Variants in SLF1 observed in about 807,000 individuals in gnomAD.
SLF1 encodes SMC5/6 complex localization factor 1.
A neutral mutation model predicts 123.0 loss-of-function variants in SLF1; 105 were observed. That is an observed-to-expected ratio of 0.85 (90% CI 0.73 to 1.00). The LOEUF (loss-of-function observed/expected upper bound fraction) is 1.00. SLF1 is among the 50% of genes least tolerant of loss of function. The pLI is 0.00. For missense variants in SLF1, 1,239 were observed against 1,223.0 expected (o/e 1.01, Z -0.20); for synonymous variants, 434 against 406.6 (o/e 1.07, Z -0.81).
intron 4 of SLF1, among the ~76,000 whole-genome samples, chr5:94,633,104 C>T (rs1243083206): frequency 2.0e-5 from 3 of 152,150 alleles, no homozygotes; most frequent in African/African-American, 4.8e-5. Flanking sequence ...AATTCTGCCT[C>T]AGCCTCCCGA....
Position 94,692,222 on chromosome 5 carries a change from T to C in SLF1, c.2661T>C (p.His887=). The C allele has an allele frequency of 6.8e-6, 11 of 1,613,726 alleles. No individual in the cohort carries two copies. Among genetic ancestry groups the C allele is most frequent in the Non-Finnish European group, 9.3e-6 (11 of 1,179,744 alleles). ...TPLHDALSNG[H]VEIGKLLLQH... Reference sequence around the variant, plus strand: ...TGCATGATGCACTGTCAAACGGACATGTAGAAATTGGCAAGCTGCTACTAC... The same window carrying C: ...TGCATGATGCACTGTCAAACGGACACGTAGAAATTGGCAAGCTGCTACTAC... The change falls in exon 20 of 21, where the codon CAT becomes CAC. Residue 887 remains histidine (H), a synonymous_variant. Coordinates refer to ENST00000265140, the MANE Select transcript of SLF1 (RefSeq NM_032290.4).
At chr5:94,660,517 C>T (rs1006380926) in intron 9 of SLF1, among the ~76,000 whole-genome samples, 1 of 152,168 alleles carries the variant, frequency 6.6e-6, no homozygotes, top group Non-Finnish European at 1.5e-5. Flanking sequence ...TCCTCAGGCC[C>T]CCCGATAGCT....
rs1290782097 is a variant in SLF1 at position 94,665,963 on chromosome 5, G to A, written c.1471G>A (p.Glu491Lys). The stretch of plus-strand genomic sequence containing the variant: ...TCCAGCCATGTCGAGATATTATTTA[G>A]AGTTGTTTCAGTGTCCAACTTGTAT... ...KSPAMSRYYL[E>K]LFQCPTCMKG... is the part of the protein sequence containing the mutation. Residue 491 changes from glutamate (E) to lysine (K), a missense_variant, in exon 12 of 21, where the codon GAG becomes AAG. Physicochemically the swap from Glu to Lys is moderately conservative, Grantham distance 56 (BLOSUM62 1). Transcript: ENST00000265140. The A allele has an allele frequency of 6.4e-7, 1 of 1,551,282 alleles. No homozygotes were observed. The highest frequency in any genetic ancestry group is 2.0e-5 in the Admixed American group (1 of 50,994).
chr5:94,660,431 G>A (rs1748951543), intron 9 of SLF1, among the ~76,000 whole-genome samples: 1 of 152,150 alleles, frequency 6.6e-6, no homozygotes. Flanking sequence ...GGACAGGGAT[G>A]GGTTGATACC....
At chr5:94,647,140 C>T (rs183423234) in intron 5 of SLF1, among the ~76,000 whole-genome samples, 74 of 152,190 alleles carry the variant, frequency 4.9e-4, no homozygotes, top group African/African-American at 1.6e-3. Flanking sequence ...TTTGTCTCCC[C>T]ATTTTGAGTA....
chr5:94,630,643 T>C lies in SLF1; in HGVS notation c.331T>C (p.Trp111Arg), dbSNP rs1191896145. 1.4e-5 allele frequency: 21 copies of C among 1,551,584 alleles called. No individual in the cohort carries two copies. Among genetic ancestry groups the C allele is most frequent in the Non-Finnish European group, 1.8e-5 (21 of 1,146,996 alleles). Residue 111 changes from tryptophan to arginine, a missense_variant, in exon 4 of 21, where the codon TGG becomes CGG. Coordinates refer to ENST00000265140, the MANE Select transcript of SLF1 (RefSeq NM_032290.4). ...SPQMQSAPKR[W>R]REELKRTGAP... is the part of the protein sequence containing the mutation. Reference sequence around the variant, plus strand: ...TCAAATGCAATCTGCACCTAAAAGATGGCGTGAAGAACTGAAACGCACTGG... The same window carrying C: ...TCAAATGCAATCTGCACCTAAAAGACGGCGTGAAGAACTGAAACGCACTGG...
At chr5:94,678,172 G>A (rs927599418) in intron 14 of SLF1, among the ~76,000 whole-genome samples, 2 of 151,908 alleles carry the variant, frequency 1.3e-5, no homozygotes, top group African/African-American at 2.4e-5. Flanking sequence ...CACCCACCTC[G>A]GCCTCCCAAA....
chr5:94,660,818 C>A (rs1021916879), intron 9 of SLF1, among the ~76,000 whole-genome samples: 2 of 152,164 alleles, frequency 1.3e-5, no homozygotes, highest in African/African-American at 4.8e-5. Context: ...GACAGAGGCC[C>A]CAGGCAGGTG....
rs1040968528 is a variant in SLF1, at chr5:94,696,569, T to C, written c.*1257T>C. The C allele has an allele frequency of 2.6e-5, 4 of 151,856 alleles. No individual in the cohort carries two copies. Among genetic ancestry groups the C allele is most frequent in the Non-Finnish European group, 4.4e-5 (3 of 67,840 alleles). 9.4% of individuals were successfully genotyped at this position (151,856 alleles called of 1,614,324 possible). ...ACAAAAAATGATATAGTGAAGACTA[T>C]CTAAGAAGAGTTTAAATGCTTATAG... On this transcript the variant is annotated 3_prime_UTR_variant, in exon 21 of 21. Transcript: ENST00000265140.
chr5:94,675,246 A>G (rs1258751082), intron 14 of SLF1, among the ~76,000 whole-genome samples: 5 of 152,258 alleles, frequency 3.3e-5, no homozygotes, highest in Non-Finnish European at 5.9e-5. Flanking sequence ...GGCAGATGAT[A>G]TAGAACCACA....
At chr5:94,642,787 G>GTAAA (rs1283034906) in intron 4 of SLF1, among the ~76,000 whole-genome samples, 1 of 151,414 alleles carries the variant, frequency 6.6e-6, no homozygotes, top group East Asian at 1.9e-4. Flanking sequence ...TTTTTATTTT[G>GTAAA]TAAAATGTAT....
intron 9 of SLF1, among the ~76,000 whole-genome samples, chr5:94,656,978 C>T (rs1483971310): frequency 2.0e-5 from 3 of 149,148 alleles, no homozygotes; most frequent in Admixed American, 2.0e-4. Context: ...TTGTTTCGTT[C>T]TGCTCTTTAT....
chr5:94,662,278 A>G lies in SLF1; in HGVS notation c.1156-20A>G. ...TCAATCTTAAAATGTTGTTTTAATT[A>G]TATGGTTGCTCTTTTGTAGGCTGTC... On this transcript the variant is annotated intron_variant, in intron 9 of 20. Coordinates refer to ENST00000265140, the MANE Select transcript of SLF1 (RefSeq NM_032290.4). 6.5e-7 allele frequency: 1 copy of G among 1,534,904 alleles called. No homozygotes were observed. The highest frequency in any genetic ancestry group is 2.0e-5 in the Admixed American group (1 of 49,120).
Position 94,686,426 on chromosome 5 carries a change from A to G in SLF1, c.1976-147A>G, listed in dbSNP as rs1030710799. 4.2e-5 allele frequency: 36 copies of G among 849,018 alleles called. No individual in the cohort carries two copies. The Admixed American group carries it at 8.2e-4, about 19-fold the overall frequency. 52.6% of individuals were successfully genotyped at this position (849,018 alleles called of 1,614,324 possible). A position where few individuals can be genotyped will look rare whatever the true frequency, so the allele number is the denominator to read the frequency against. On this transcript the variant is annotated intron_variant, in intron 15 of 20. Coordinates refer to ENST00000265140, the MANE Select transcript of SLF1 (RefSeq NM_032290.4). Reference sequence around the variant, plus strand: ...AAGTCAAGGAATAGTGATATGACCTATTTTTTGTGGATTAAAATCATGTGG... The same window carrying G: ...AAGTCAAGGAATAGTGATATGACCTGTTTTTTGTGGATTAAAATCATGTGG...
In SLF1 at chr5:94,695,553, C is replaced by T; in HGVS notation, c.*241C>T. On this transcript the variant is annotated 3_prime_UTR_variant, in exon 21 of 21. Transcript: ENST00000265140. ...AAAAATAATTTTGTTTTAGTATATT[C>T]TACTTTCATTAATGTTTTTTTGTTC... is the stretch of plus-strand genomic sequence containing the variant. 1 of 258,290 alleles carries T rather than the reference C, an allele frequency of 3.9e-6. No homozygotes were observed. Among genetic ancestry groups the T allele is most frequent in the South Asian group, 1.2e-4 (1 of 8,474 alleles). 16.0% of individuals were successfully genotyped at this position (258,290 alleles called of 1,614,324 possible).
At chr5:94,689,026 A>G (rs1487528669) in intron 17 of SLF1, among the ~76,000 whole-genome samples, 1 of 57,228 alleles carries the variant, frequency 1.7e-5, no homozygotes, top group Non-Finnish European at 2.9e-5. Context: ...TAGTTTCCCC[A>G]AAATGAGAAA....
At chr5:94,626,564 AAT>A (rs1259309518) in intron 1 of SLF1, among the ~76,000 whole-genome samples, 2 of 152,184 alleles carry the variant, frequency 1.3e-5, no homozygotes, top group African/African-American at 2.4e-5. Flanking sequence ...GAAATGCAAA[AAT>A]CAGATAAATT....
chr5:94,670,496 T>G (rs952954604), intron 13 of SLF1, among the ~76,000 whole-genome samples: 11 of 151,872 alleles, frequency 7.2e-5, no homozygotes, highest in African/African-American at 2.7e-4. Context: ...CCACTGTTCA[T>G]TTGGATGGAT....
At chr5:94,627,794 TTGTC>T (rs917447658) in intron 1 of SLF1, among the ~76,000 whole-genome samples, 13 of 151,496 alleles carry the variant, frequency 8.6e-5, no homozygotes, top group Non-Finnish European at 1.8e-4. Flanking sequence ...GATTGTATCA[TTGTC>T]TGTAGGTTTC....
Sources: gnomAD v4.1 joint callset for allele counts (sites outside exome capture counted in the v4.1 genomes callset) on GRCh38, gnomAD v4.1.1 for gene constraint, MANE v1.5 for transcripts, NCBI Gene and HGNC (gene_info 2026-07-23, HGNC 2026-07-21) for gene names.